The following MORC2 variants were observed in gnomAD, a reference collection of about 807,000 sequenced individuals.
The protein encoded by MORC2 is MORC family CW-type zinc finger 2.
In MORC2, 30 loss-of-function variants were observed where a neutral mutation model predicts 136.0. The observed-to-expected ratio is 0.22, with a 90% CI of 0.17 to 0.30. The LOEUF (loss-of-function observed/expected upper bound fraction) is 0.30, where lower values mean the gene tolerates loss of function less well. MORC2 is among the 10% of genes least tolerant of loss of function. MORC2 has a pLI of 1.00. For synonymous variants in MORC2, 439 were observed against 487.0 expected, an observed-to-expected ratio of 0.90 and a Z score of 1.30; for missense variants, 922 against 1,333.1, an observed-to-expected ratio of 0.69 and a Z score of 4.80.
chr22:30,964,869 T>C (rs979197456), intron 1 of MORC2, among the ~76,000 whole-genome samples: 3 of 152,210 alleles, frequency 2.0e-5, no homozygotes, highest in Non-Finnish European at 4.4e-5. Context: ...ACCAAACAAG[T>C]TGCCACCACA....
chr22:30,941,360 A>C lies in MORC2; in HGVS notation c.824+73T>G. ...GAGCCTCTTATACAGCATCCCTCTAACAATGCCCCAGAGAAACGCGGCCAC... is the reference window on the plus strand; with the variant it reads ...GAGCCTCTTATACAGCATCCCTCTACCAATGCCCCAGAGAAACGCGGCCAC... On this transcript the variant is annotated intron_variant, in intron 9 of 25. Coordinates refer to ENST00000397641, the MANE Select transcript of MORC2 (RefSeq NM_001303256.3). This position sits in a 1 kb window ranked among gnomAD's most constrained non-coding sequence, Gnocchi z 4.6. 1 of 1,580,926 alleles carries C rather than the reference A, an allele frequency of 6.3e-7. No homozygotes were observed. Among genetic ancestry groups the C allele is most frequent in the Non-Finnish European group, 8.6e-7 (1 of 1,162,818 alleles).
chr22:30,934,808 C>T lies in MORC2; in HGVS notation c.2166G>A (p.Lys722=). The stretch of plus-strand genomic sequence containing the variant: ...GGGAGAGTTTGATGGGTGACTCTGT[C>T]TTCTTCACCACTGGAGTCTTGATGA... ...PKVIKTPVVK[K]TESPIKLSPA... is the part of the protein sequence containing the mutation. The change falls in exon 19 of 26, where the codon AAG becomes AAA. Residue 722 remains lysine, a synonymous_variant. Coordinates refer to ENST00000397641, the MANE Select transcript of MORC2 (RefSeq NM_001303256.3). The surrounding 1 kb of genome is among the most constrained non-coding windows in gnomAD (Gnocchi z 4.4). 1 of 1,614,194 alleles carries T rather than the reference C, an allele frequency of 6.2e-7. No individual in the cohort carries two copies. Among genetic ancestry groups the T allele is most frequent in the Admixed American group, 1.7e-5 (1 of 60,018 alleles).
In MORC2 at chr22:30,934,885, G is replaced by T; in HGVS notation, c.2089C>A (p.Pro697Thr). The change falls in exon 19 of 26, where the codon CCA becomes ACA. Residue 697 changes from proline (P) to threonine (T), a missense_variant. Pro to Thr is a conservative substitution (Grantham distance 38). Transcript: ENST00000397641. This position sits in a 1 kb window ranked among gnomAD's most constrained non-coding sequence, Gnocchi z 4.4. The stretch of plus-strand genomic sequence containing the variant: ...CTCTTGGAGTTGGGCAGTAAAGATG[G>T]TGACAGTTGCTGCACCAGAGGGGCA... The part of the protein sequence containing the change: ...RPAPLVQQLS[P>T]SLLPNSKSPR... 6.2e-7 allele frequency: 1 copy of T among 1,614,196 alleles called. No individual in the cohort carries two copies. The highest frequency in any genetic ancestry group is 8.5e-7 in the Non-Finnish European group (1 of 1,180,042).
At chr22:30,961,561 G>A (rs571582592) in intron 1 of MORC2, among the ~76,000 whole-genome samples, 3 of 152,168 alleles carry the variant, frequency 2.0e-5, no homozygotes, top group African/African-American at 7.2e-5. Flanking sequence ...ATTTCAACAT[G>A]AGTTTGTACT....
chr22:30,932,584 G>C lies in MORC2; in HGVS notation c.2708C>G (p.Thr903Ser), dbSNP rs762499940. ...AAGCAGGTCGATGGTCTCGTGATTG[G>C]TGCTCAGGGCAGTGGTGTCAGGCTC... ...RIEPDTTALS[T>S]NHETIDLLVQ... Residue 903 changes from threonine to serine, a missense_variant, in exon 23 of 26, where the codon ACC becomes AGC. By Grantham distance (58) the Thr-to-Ser change is moderately conservative. This residue lies in a region of MORC2 where 263 missense variants were observed against 388.3 expected (regional missense o/e 0.68). Coordinates refer to ENST00000397641, the MANE Select transcript of MORC2 (RefSeq NM_001303256.3). The surrounding 1 kb of genome is among the most constrained non-coding windows in gnomAD (Gnocchi z 4.4). 1.9e-6 allele frequency: 3 copies of C among 1,614,194 alleles called. No homozygotes were observed. The highest frequency in any genetic ancestry group is 1.7e-6 in the Non-Finnish European group (2 of 1,180,042).
At position 30,934,208 on chromosome 22, in the gene MORC2, G is replaced by C. The variant is rs370934410; in HGVS notation, c.2194-17C>G. On this transcript the variant is annotated splice_polypyrimidine_tract_variant and intron_variant, in intron 19 of 25. Transcript: ENST00000397641. This position sits in a 1 kb window ranked among gnomAD's most constrained non-coding sequence, Gnocchi z 4.4. ...AGGGGTAGCCTAGAGCAAGAGGAGC[G>C]TGAGGATGTGAGGGGCCCTGTTCAG... 3 of 1,614,026 alleles carry C rather than the reference G, an allele frequency of 1.9e-6. No individual in the cohort carries two copies. In the South Asian group the frequency reaches 3.3e-5, roughly 18 times the overall value.
rs1282456431 is a variant in MORC2, at chr22:30,938,034, G to C, written c.1214+31C>G. 1.3e-5 allele frequency: 21 copies of C among 1,613,814 alleles called. No homozygotes were observed. The Admixed American group carries it at 3.5e-4, about 27-fold the overall frequency. The stretch of plus-strand genomic sequence containing the variant: ...CAACGCCCTCCTGCCAACTATCCTG[G>C]GCTAGACAGCTCTCTGTGGGTAGTA... On this transcript the variant is annotated intron_variant, in intron 13 of 25. Transcript: ENST00000397641.
intron 11 of MORC2, 106 bp downstream of exon 11, chr22:30,939,853 C>A: frequency 7.3e-7 from 1 of 1,365,250 alleles, no homozygotes; most frequent in South Asian, 1.3e-5. Context: ...AAACAGCCCT[C>A]ACTGGGGACA....
Position 30,932,632 on chromosome 22 carries a change from G to T in MORC2, c.2660C>A (p.Ser887Tyr), listed in dbSNP as rs771192309. The T allele has an allele frequency of 1.9e-6, 3 of 1,614,184 alleles. No individual in the cohort carries two copies. In the East Asian group the frequency reaches 6.7e-5, roughly 36 times the overall value. Residue 887 changes from serine to tyrosine, a missense_variant, in exon 23 of 26, where the codon TCC (serine) becomes TAC (tyrosine). Transcript: ENST00000397641. This position sits in a 1 kb window ranked among gnomAD's most constrained non-coding sequence, Gnocchi z 4.4. ...AQQAIAVAEPSTSECLRIEPD... is the reference protein window; with the variant it reads ...AQQAIAVAEPYTSECLRIEPD... ...CTCAATGCGGAGGCATTCGGAAGTG[G>T]AGGGCTCTGCGACAGCTATGGCCTG...
At chr22:30,951,140 T>C (rs2040880608) in intron 3 of MORC2, among the ~76,000 whole-genome samples, 1 of 152,170 alleles carries the variant, frequency 6.6e-6, no homozygotes. Context: ...ACCTGCCTGA[T>C]GGGAAGAAGG....
rs1178416347 is a variant in MORC2, at chr22:30,959,001, G to C, written c.69-307C>G. On this transcript the variant is annotated intron_variant, in intron 1 of 25. Transcript: ENST00000397641. ...AAGTGTTTTTCACTATTCATATCCT[G>C]CCTAGAAAAATGCCTGTATATTTTA... is the stretch of plus-strand genomic sequence containing the variant. 3 of 214,692 alleles carry C rather than the reference G, an allele frequency of 1.4e-5. No homozygotes were observed. The East Asian group carries it at 3.2e-4, about 23-fold the overall frequency. The allele number at this position is 214,692 out of a possible 1,614,324, so 13.3% of individuals were successfully genotyped here.
intron 6 of MORC2, among the ~76,000 whole-genome samples, chr22:30,943,580 G>C (rs1202101644): frequency 1.3e-5 from 2 of 152,202 alleles, no homozygotes; most frequent in East Asian, 3.8e-4. Context: ...AGCCCTTGCA[G>C]AGCCCTGCAG....
At chr22:30,928,497 A>T (rs760006595) in intron 24 of MORC2, among the ~76,000 whole-genome samples, 1 of 152,328 alleles carries the variant, frequency 6.6e-6, no homozygotes, top group East Asian at 1.9e-4. Flanking sequence ...GATTCTTACC[A>T]TTCCAAGTGA....
intron 16 of MORC2, 144 bp from the exon 17 acceptor site, chr22:30,936,787 C>T: frequency 1.6e-6 from 2 of 1,284,456 alleles, no homozygotes; most frequent in Non-Finnish European, 2.2e-6. Context: ...TTATACACTG[C>T]AGGACATACA....
At chr22:30,964,497 GCAAA>G (rs1183372804) in intron 1 of MORC2, among the ~76,000 whole-genome samples, 8 of 152,262 alleles carry the variant, frequency 5.3e-5, no homozygotes, top group African/African-American at 1.2e-4. Context: ...TAGCAGTACT[GCAAA>G]CAAAGTGACT....
intron 1 of MORC2, among the ~76,000 whole-genome samples, chr22:30,959,688 A>C (rs190217133): frequency 6.6e-6 from 1 of 152,326 alleles, no homozygotes; most frequent in Admixed American, 6.5e-5. Flanking sequence ...AACCCACATA[A>C]TACATGACCA....
chr22:30,950,457 G>T lies in MORC2; in HGVS notation c.158-12C>A, dbSNP rs762466101. ...GTCCTCTCGTCTTTCTGTAAAAGAA[G>T]CAGCTGCCATTACTGGGCCGTTACC... is the stretch of plus-strand genomic sequence containing the variant. On this transcript the variant is annotated splice_polypyrimidine_tract_variant and intron_variant, in intron 3 of 25. Transcript: ENST00000397641. 1.4e-5 allele frequency: 22 copies of T among 1,604,424 alleles called. No individual in the cohort carries two copies. The South Asian group carries it at 2.1e-4, about 15-fold the overall frequency.
chr22:30,960,615 A>G (rs2041029677), intron 1 of MORC2, among the ~76,000 whole-genome samples: 1 of 151,308 alleles, frequency 6.6e-6, no homozygotes, highest in Admixed American at 6.6e-5. Flanking sequence ...CAGCCTCCTG[A>G]GTAGCTGGTA....
Position 30,959,767 on chromosome 22 carries a change from T to C in MORC2, c.69-1073A>G, listed in dbSNP as rs1319167838. Among the ~76,000 whole-genome samples the C allele has an allele frequency of 3.3e-5, 5 of 152,358 alleles. No homozygotes were observed. The East Asian group carries it at 5.8e-4, about 18-fold the overall frequency. On this transcript the variant is annotated intron_variant, in intron 1 of 25. Transcript: ENST00000397641. ...AGAGTTTCAGCCAAAGTAAAAAGTT[T>C]CAGCCAATTTTCAGTTAAAGTAAGA...
Sources: gnomAD v4.1 joint callset for allele counts (sites outside exome capture counted in the v4.1 genomes callset) on GRCh38, gnomAD v4.1.1 for gene constraint, gnomAD v4.1.1 regional missense constraint, Gnocchi (gnomAD v3.1) non-coding constraint, MANE v1.5 for transcripts, NCBI Gene and HGNC (gene_info 2026-07-23, HGNC 2026-07-21) for gene names.